PCDHA10: variants seen among roughly 807,000 people sequenced by gnomAD.
PCDHA10 encodes protocadherin alpha-10.
PCDHA10 carries 45 observed loss-of-function variants against 61.2 expected under a neutral mutation model. That is an observed-to-expected ratio of 0.74 (90% confidence interval 0.58 to 0.94). The LOEUF (loss-of-function observed/expected upper bound fraction) is 0.94. Among genes scored for constraint, PCDHA10 ranks in the 40% least tolerant of loss-of-function variants. PCDHA10 has a pLI of 0.00. For synonymous variants in PCDHA10, 602 were observed against 548.8 expected, an observed-to-expected ratio of 1.10 and a Z score of -1.35; for missense variants, 1,278 against 1,236.2, an observed-to-expected ratio of 1.03 and a Z score of -0.51.
chr5:140,869,250 G>T lies in PCDHA10; in HGVS notation c.2388+10814G>T, dbSNP rs371660992. ...ACGGCACCTTCGTGGGCCGCATCGC[G>T]CAGGACCTGGGGCTGGAGCTGGCGG... On this transcript the variant is annotated intron_variant, in intron 1 of 3. Transcript: ENST00000307360. The T allele has an allele frequency of 8.4e-5, 135 of 1,613,518 alleles. No homozygotes were observed. In the Middle Eastern group the frequency reaches 1.0e-3, roughly 13 times the overall value.
At chr5:140,933,119 G>A (rs782069505) in intron 1 of PCDHA10, among the ~76,000 whole-genome samples, 1 of 151,936 alleles carries the variant, frequency 6.6e-6, no homozygotes, top group African/African-American at 2.4e-5. Context: ...AAGAAACAAA[G>A]CTAAATAATA....
intron 1 of PCDHA10, among the ~76,000 whole-genome samples, chr5:140,900,446 T>C (rs1344652526): frequency 6.6e-6 from 1 of 152,154 alleles, no homozygotes; most frequent in African/African-American, 2.4e-5. Context: ...GCCGGCTAAT[T>C]TTTTATTTTT....
At chr5:140,869,108 T>C in intron 1 of PCDHA10, 2 of 1,602,680 alleles carry the variant, frequency 1.2e-6, no homozygotes, top group African/African-American at 1.3e-5. Flanking sequence ...TATGCGATGT[T>C]TGGTTTTCAG....
At chr5:140,960,853 T>C (rs1554225072) in intron 1 of PCDHA10, among the ~76,000 whole-genome samples, 2 of 152,214 alleles carry the variant, frequency 1.3e-5, no homozygotes, top group Non-Finnish European at 1.5e-5. Flanking sequence ...ATGGCAACTA[T>C]AAGCCAGAAA....
At chr5:140,975,963 A>G (rs2096691903) in intron 1 of PCDHA10, among the ~76,000 whole-genome samples, 1 of 152,186 alleles carries the variant, frequency 6.6e-6, no homozygotes, top group Non-Finnish European at 1.5e-5. Flanking sequence ...TTCTTCACCA[A>G]TAGAAAGTAA....
chr5:140,866,287 C>T (rs1396371419), intron 1 of PCDHA10: 1 of 152,074 alleles, frequency 6.6e-6, no homozygotes, highest in Non-Finnish European at 1.5e-5. Flanking sequence ...GTGTTTGGGA[C>T]AAGTATAGAT....
intron 3 of PCDHA10, among the ~76,000 whole-genome samples, chr5:140,985,279 A>G (rs1168353248): frequency 1.3e-5 from 2 of 152,150 alleles, no homozygotes; most frequent in Non-Finnish European, 2.9e-5. Context: ...CTTTTCTGCA[A>G]TCTATGATAT....
intron 1 of PCDHA10, chr5:140,884,619 A>G (rs782146160): frequency 3.1e-6 from 5 of 1,614,074 alleles, no homozygotes; most frequent in Non-Finnish European, 4.2e-6. Context: ...GGTTCTGCAG[A>G]GGGAACAGGC....
chr5:140,876,020 A>G, intron 1 of PCDHA10: 2 of 1,613,802 alleles, frequency 1.2e-6, no homozygotes, highest in South Asian at 1.1e-5. Flanking sequence ...CTTAAAATAA[A>G]AACAAAAAAA....
intron 3 of PCDHA10, among the ~76,000 whole-genome samples, chr5:140,984,824 C>T (rs920985683): frequency 6.6e-6 from 1 of 151,980 alleles, no homozygotes; most frequent in African/African-American, 2.4e-5. Flanking sequence ...TCTTAATTAC[C>T]CTTTCTGTAA....
chr5:140,860,136 T>C (rs2150487566), intron 1 of PCDHA10: 1 of 150,532 alleles, frequency 6.6e-6, no homozygotes, highest in East Asian at 2.0e-4. Context: ...TGTGTGTGTA[T>C]ATATATGTAT....
intron 1 of PCDHA10, chr5:140,877,827 T>C (rs1554170143): frequency 1.2e-6 from 2 of 1,601,676 alleles, no homozygotes; most frequent in Middle Eastern, 1.7e-4. Flanking sequence ...ATTGTTTAAA[T>C]CCTCCCAGTG....
At chr5:140,978,222 G>A (rs997273847) in intron 1 of PCDHA10, among the ~76,000 whole-genome samples, 7 of 152,298 alleles carry the variant, frequency 4.6e-5, no homozygotes, top group East Asian at 1.9e-4. Context: ...AATGTATCAG[G>A]TTTTTCTTGG....
chr5:140,875,394 G>T, intron 1 of PCDHA10: 1 of 1,476,976 alleles, frequency 6.8e-7, no homozygotes, highest in South Asian at 1.4e-5. Context: ...TACAGAAAAG[G>T]GTGACTGCTC....
At chr5:140,885,737 A>G (rs1347685899) in intron 1 of PCDHA10, among the ~76,000 whole-genome samples, 1 of 152,222 alleles carries the variant, frequency 6.6e-6, no homozygotes, top group South Asian at 2.1e-4. Context: ...ATGATATTTC[A>G]CTGTTACTTT....
intron 1 of PCDHA10, among the ~76,000 whole-genome samples, chr5:140,946,990 C>T (rs181802680): frequency 2.6e-5 from 4 of 151,580 alleles, no homozygotes; most frequent in African/African-American, 9.7e-5. Context: ...TTTGAGTGTT[C>T]TAACTTCAAA....
intron 3 of PCDHA10, among the ~76,000 whole-genome samples, chr5:140,984,589 T>C (rs2097109638): frequency 6.6e-6 from 1 of 152,186 alleles, no homozygotes; most frequent in Non-Finnish European, 1.5e-5. Flanking sequence ...ATCATACTTT[T>C]CAATACATAC....
At chr5:140,867,399 A>C (rs1001723593) in intron 1 of PCDHA10, 2 of 152,166 alleles carry the variant, frequency 1.3e-5, no homozygotes, top group African/African-American at 4.8e-5. Flanking sequence ...AAAAGTTGAT[A>C]TGTCTCCTTT....
At chr5:140,897,395 G>A (rs1583270355) in intron 1 of PCDHA10, among the ~76,000 whole-genome samples, 1 of 135,586 alleles carries the variant, frequency 7.4e-6, no homozygotes, top group Middle Eastern at 5.0e-3. Flanking sequence ...GTGTCCATGT[G>A]TTCTCATTGT....
Sources: allele counts gnomAD v4.1 joint callset (sites outside exome capture counted in the v4.1 genomes callset), GRCh38; gene constraint gnomAD v4.1.1; transcripts MANE v1.5; gene names NCBI Gene and HGNC (gene_info 2026-07-23, HGNC 2026-07-21).